The following RNF216 variants were observed in gnomAD, a reference collection of about 807,000 sequenced individuals.
RNF216 encodes ring finger protein 216, also known as E3 ubiquitin-protein ligase RNF216.
Under a neutral mutation model 110.8 loss-of-function variants are expected in RNF216, and 72 were observed. The observed-to-expected ratio is 0.65, with a 90% CI of 0.54 to 0.79. RNF216 has a LOEUF of 0.79. Ranked by LOEUF, RNF216 falls within the 30% of genes least tolerant of loss-of-function variation. The pLI is 0.00. For missense variants in RNF216, 1,342 were observed against 1,141.2 expected (o/e 1.18, Z -2.54); for synonymous variants, 495 against 407.5 (o/e 1.21, Z -2.59).
At chr7:5,689,436 A>G (rs1481358097) in intron 13 of RNF216, among the ~76,000 whole-genome samples, 1 of 151,988 alleles carries the variant, frequency 6.6e-6, no homozygotes, top group Non-Finnish European at 1.5e-5. Context: ...CAGGGCGCCT[A>G]GAAACCCACA....
At chr7:5,730,433 G>A (rs1297342554) in intron 6 of RNF216, among the ~76,000 whole-genome samples, 2 of 152,186 alleles carry the variant, frequency 1.3e-5, no homozygotes, top group African/African-American at 4.8e-5. Context: ...AATTTGCTTT[G>A]TAGGATTAAA....
At position 5,737,385 on chromosome 7, in the gene RNF216, G is replaced by A. The variant is rs374521899; in HGVS notation, c.1121+1891C>T. Reference sequence around the variant, plus strand: ...AAGTACCCAGGGACACAAACACTGCGGAAGACCCCAGGGTCCTCTGCCTAG... The same window carrying A: ...AAGTACCCAGGGACACAAACACTGCAGAAGACCCCAGGGTCCTCTGCCTAG... On this transcript the variant is annotated intron_variant, in intron 5 of 16. Transcript: ENST00000389902. Among the ~76,000 whole-genome samples, 15 of 152,156 alleles carry A rather than the reference G, an allele frequency of 9.9e-5. No individual in the cohort carries two copies. In the South Asian group the frequency reaches 1.9e-3, roughly 19 times the overall value.
chr7:5,719,522 A>C (rs1250300013), intron 9 of RNF216, among the ~76,000 whole-genome samples: 1 of 152,230 alleles, frequency 6.6e-6, no homozygotes, highest in Admixed American at 6.5e-5. Flanking sequence ...AAGAGAGACT[A>C]ACTTGAAGGG....
intron 13 of RNF216, among the ~76,000 whole-genome samples, chr7:5,710,214 G>C (rs1161016647): frequency 6.6e-6 from 1 of 152,122 alleles, no homozygotes; most frequent in Non-Finnish European, 1.5e-5. Flanking sequence ...ATAAAAATCA[G>C]TCAGGCGTGG....
At chr7:5,676,609 T>C (rs1790313434) in intron 13 of RNF216, among the ~76,000 whole-genome samples, 2 of 152,098 alleles carry the variant, frequency 1.3e-5, no homozygotes, top group Admixed American at 6.5e-5. Context: ...ACACAAAAGA[T>C]ACCTGGACAT....
chr7:5,644,900 C>T (rs1018181412), intron 14 of RNF216, among the ~76,000 whole-genome samples: 1 of 150,600 alleles, frequency 6.6e-6, no homozygotes, highest in Non-Finnish European at 1.5e-5. Context: ...TCTTGGCTCA[C>T]TGCAACCTCC....
chr7:5,725,801 G>GACT (rs1793715682), intron 7 of RNF216, among the ~76,000 whole-genome samples: 1 of 136,810 alleles, frequency 7.3e-6, no homozygotes, highest in Non-Finnish European at 1.5e-5. Flanking sequence ...AGTGAGCCGA[G>GACT]ACTGCACCAC....
In RNF216 at chr7:5,644,140, G is replaced by C. The variant is rs548375284; in HGVS notation, c.2160-2764C>G. On this transcript the variant is annotated intron_variant, in intron 14 of 16. Transcript: ENST00000389902. ...TGGCTGGTGTGAATTGTGGTTAAAT[G>C]AACATTCTTGCACAAGTTTTATATG... is the stretch of plus-strand genomic sequence containing the variant. Among the ~76,000 whole-genome samples, 6 of 152,262 alleles carry C rather than the reference G, an allele frequency of 3.9e-5. No homozygotes were observed. In the South Asian group the frequency reaches 1.2e-3, roughly 32 times the overall value.
intron 6 of RNF216, among the ~76,000 whole-genome samples, chr7:5,730,185 G>A (rs1794006363): frequency 6.6e-6 from 1 of 152,164 alleles, no homozygotes; most frequent in Non-Finnish European, 1.5e-5. Context: ...AGAGGGAAGT[G>A]TACTCATGTT....
At chr7:5,739,636 G>A (rs1794639096) in intron 4 of RNF216, 2 of 519,638 alleles carry the variant, frequency 3.8e-6, no homozygotes, top group South Asian at 1.5e-5. Flanking sequence ...CTAGACAAAG[G>A]GAATCCAAAC....
intron 15 of RNF216, among the ~76,000 whole-genome samples, chr7:5,626,704 G>T (rs1351140772): frequency 6.6e-6 from 1 of 151,746 alleles, no homozygotes; most frequent in Non-Finnish European, 1.5e-5. Flanking sequence ...AAAAAAGAAA[G>T]AAAGTTGTGC....
At chr7:5,698,582 C>T (rs1435252742) in intron 13 of RNF216, among the ~76,000 whole-genome samples, 1 of 150,674 alleles carries the variant, frequency 6.6e-6, no homozygotes, top group Non-Finnish European at 1.5e-5. Flanking sequence ...TGTGTAGAGA[C>T]GAGGTTGTGC....
At chr7:5,704,945 A>G (rs938368856) in intron 13 of RNF216, among the ~76,000 whole-genome samples, 2 of 152,068 alleles carry the variant, frequency 1.3e-5, no homozygotes, top group Non-Finnish European at 2.9e-5. Flanking sequence ...TCATGTAATC[A>G]TAACACACAT....
chr7:5,641,419 G>A (rs1230037167), intron 14 of RNF216, 43 bp from the exon 15 acceptor site: 7 of 1,519,866 alleles, frequency 4.6e-6, no homozygotes, highest in South Asian at 2.3e-5. Flanking sequence ...GGGAAGATGA[G>A]GAGGAAAAAA....
Position 5,684,089 on chromosome 7 carries a change from GCCTT to G in RNF216, c.2061+27668_2061+27671del, listed in dbSNP as rs1353543104. 2.1e-5 allele frequency among the ~76,000 whole-genome samples: 3 copies of G among 143,780 alleles called. No homozygotes were observed. The East Asian group carries it at 6.3e-4, about 30-fold the overall frequency. The allele number at this position is 143,780 out of a possible 152,430, so 94.3% of individuals were successfully genotyped here. On this transcript the variant is annotated intron_variant, in intron 13 of 16. Coordinates refer to ENST00000389902, the MANE Select transcript of RNF216 (RefSeq NM_207111.4). ...TGGGACCAGTGTTTCCACAAGCTGG[GCCTT>G]CTTTTTTTTTTTTTTTTTTTTTTTT...
rs113592124 is a variant in RNF216 at position 5,776,702 on chromosome 7, T to C, written c.-70+4839A>G. Among the ~76,000 whole-genome samples, 283 of 150,956 alleles carry C rather than the reference T, an allele frequency of 1.9e-3. 3 individuals carry two copies. Among genetic ancestry groups the C allele is most frequent in the Middle Eastern group, 0.01 (3 of 290 alleles). ...GTGAGAGACGTGTCAGATCTGGGTT[T>C]ATCCTTTAAAAGCACAGCAGCCCCT... is the stretch of plus-strand genomic sequence containing the variant. On this transcript the variant is annotated intron_variant, in intron 1 of 16. Transcript: ENST00000389902.
intron 1 of RNF216, among the ~76,000 whole-genome samples, chr7:5,768,482 T>A (rs1198609674): frequency 6.6e-6 from 1 of 151,504 alleles, no homozygotes; most frequent in Non-Finnish European, 1.5e-5. Context: ...TTGACCTAAC[T>A]GACACTTTAT....
chr7:5,767,668 G>C (rs904043101), intron 1 of RNF216, among the ~76,000 whole-genome samples: 10 of 150,812 alleles, frequency 6.6e-5, no homozygotes, highest in Non-Finnish European at 1.3e-4. Context: ...GTGCGATCTT[G>C]GCTCACTGCA....
intron 15 of RNF216, among the ~76,000 whole-genome samples, chr7:5,632,430 G>C (rs543864713): frequency 1.6e-4 from 24 of 152,340 alleles, no homozygotes; most frequent in South Asian, 1.0e-3. Flanking sequence ...TTTCTGATGA[G>C]CAAGGCCAGG....
Sources: gnomAD v4.1 joint callset for allele counts (sites outside exome capture counted in the v4.1 genomes callset) on GRCh38, gnomAD v4.1.1 for gene constraint, MANE v1.5 for transcripts, NCBI Gene and HGNC (gene_info 2026-07-23, HGNC 2026-07-21) for gene names.